Variants in RPGR observed in about 807,000 individuals in gnomAD.
RPGR encodes the protein retinitis pigmentosa GTPase regulator, also known as X-linked retinitis pigmentosa GTPase regulator.
Under a neutral mutation model 56.3 loss-of-function variants are expected in RPGR, and 10 were observed. The observed-to-expected ratio is 0.18, with a 90% CI of 0.11 to 0.30. The LOEUF is 0.30. Ranked by LOEUF, RPGR falls within the 10% of genes least tolerant of loss-of-function variation. The pLI, the probability that RPGR is intolerant of heterozygous loss-of-function variation, is 1.00. For synonymous variants in RPGR, 197 were observed against 212.9 expected (o/e 0.93, Z 0.65); for missense variants, 538 against 590.9 (o/e 0.91, Z 0.93).
At chrX:38,309,548 C>T (rs1359613648) in intron 7 of RPGR, among the ~76,000 whole-genome samples, 2 of 112,763 alleles carry the variant, frequency 1.8e-5, no homozygotes, top group Admixed American at 1.9e-4. Context: ...TAAGGTCAGG[C>T]CAGGTGTGGT....
rs769123303 is a variant in RPGR, at chrX:38,323,517, A to C, written c.36T>G (p.Gly12=). The change falls in exon 2 of 19, where the codon GGT becomes GGG. Residue 12 remains glycine, a synonymous_variant. Coordinates refer to ENST00000642395, the MANE Select transcript of RPGR (RefSeq NM_000328.3). ...TACTTTTCCCAAATGTAAACACAGC[A>C]CCCGAATCTGCAAATATAAGACGGT... 22 of 1,207,021 alleles carry C rather than the reference A, an allele frequency of 1.8e-5. No individual in the cohort carries two copies. The African/African-American group carries it at 3.7e-4, about 20-fold the overall frequency.
intron 14 of RPGR, 60 bp from the exon 15 acceptor site, chrX:38,287,305 G>A (rs1569237998): frequency 8.3e-7 from 1 of 1,199,923 alleles, no homozygotes; most frequent in Admixed American, 2.2e-5. Flanking sequence ...TATGGGTTTA[G>A]TCTCTTTTTC....
Position 38,326,518 on chromosome X carries a change from C to T in RPGR, c.28+822G>A, listed in dbSNP as rs572475052. 1.7e-4 allele frequency among the ~76,000 whole-genome samples: 19 copies of T among 111,488 alleles called. No individual in the cohort carries two copies. In the South Asian group the frequency reaches 7.1e-3, roughly 42 times the overall value. On this transcript the variant is annotated intron_variant, in intron 1 of 18. Coordinates refer to ENST00000642395, the MANE Select transcript of RPGR (RefSeq NM_000328.3). Reference sequence around the variant, plus strand: ...TCACCAGACATCTATTTCTGTTACACGGTATATATGGAGTATCGGGTCACA... The same window carrying T: ...TCACCAGACATCTATTTCTGTTACATGGTATATATGGAGTATCGGGTCACA...
In RPGR at chrX:38,285,299, T is replaced by C. The variant is rs1007819707; in HGVS notation, c.1905+1795A>G. The C allele has an allele frequency of 3.8e-6, 4 of 1,047,606 alleles. No individual in the cohort carries two copies. In the Admixed American group the frequency reaches 1.3e-4, roughly 34 times the overall value. 86.3% of individuals were successfully genotyped at this position (1,047,606 alleles called of 1,213,427 possible). On this transcript the variant is annotated intron_variant, in intron 15 of 18. Coordinates refer to ENST00000642395, the MANE Select transcript of RPGR (RefSeq NM_000328.3). ...TCTGATATGACCTTTTAATATTTTCTAGTTATGTTTTTATAATTTGGGGGG... is the reference window on the plus strand; with the variant it reads ...TCTGATATGACCTTTTAATATTTTCCAGTTATGTTTTTATAATTTGGGGGG...
intron 6 of RPGR, among the ~76,000 whole-genome samples, chrX:38,313,069 T>C (rs1284418452): frequency 2.7e-5 from 3 of 111,279 alleles, no homozygotes; most frequent in Non-Finnish European, 5.7e-5. Context: ...AATCTCCAAA[T>C]ACATGATTTA....
At chrX:38,275,168 T>C (rs1340323187) in intron 16 of RPGR, 2 of 1,177,661 alleles carry the variant, frequency 1.7e-6, no homozygotes, top group East Asian at 5.9e-5. Flanking sequence ...AACAAAGCAA[T>C]ATAACAAAAA....
chrX:38,311,468 A>G (rs746877531), intron 6 of RPGR, among the ~76,000 whole-genome samples: 2 of 112,104 alleles, frequency 1.8e-5, no homozygotes, highest in African/African-American at 3.2e-5. Context: ...TAAGTATATG[A>G]TCCAATCTGA....
At chrX:38,273,175 T>G (rs2066873221) in intron 18 of RPGR, among the ~76,000 whole-genome samples, 2 of 111,408 alleles carry the variant, frequency 1.8e-5, no homozygotes, top group African/African-American at 6.5e-5. Flanking sequence ...AAACATAAGC[T>G]AAAGTAAAAG....
In RPGR at chrX:38,297,207, C is replaced by T. The variant is rs1355974630; in HGVS notation, c.1414+77G>A. The T allele has an allele frequency of 3.9e-6, 4 of 1,031,354 alleles. No individual in the cohort carries two copies. In the East Asian group the frequency reaches 1.2e-4, roughly 31 times the overall value. 85.0% of individuals were successfully genotyped at this position (1,031,354 alleles called of 1,213,427 possible). On this transcript the variant is annotated intron_variant, in intron 11 of 18. Transcript: ENST00000642395. ...GAACAATTTAAATAACTGGAGAAAA[C>T]ATCTTAAGATAAACATAAAAACTAC... is the stretch of plus-strand genomic sequence containing the variant.
chrX:38,278,343 C>G (rs763885501), intron 15 of RPGR, among the ~76,000 whole-genome samples: 3 of 112,227 alleles, frequency 2.7e-5, no homozygotes, highest in East Asian at 5.6e-4. Flanking sequence ...CGGGTTGAAG[C>G]GATTCTCCTG....
intron 6 of RPGR, among the ~76,000 whole-genome samples, chrX:38,313,932 T>TTA (rs1455769310): frequency 8.9e-6 from 1 of 112,136 alleles, no homozygotes; most frequent in Non-Finnish European, 1.9e-5. Context: ...AGTGTCGACT[T>TTA]TTTAAAGTAA....
intron 11 of RPGR, among the ~76,000 whole-genome samples, chrX:38,292,664 T>C (rs2067306291): frequency 8.9e-6 from 1 of 112,672 alleles, no homozygotes; most frequent in East Asian, 2.8e-4. Flanking sequence ...AAAACATGTT[T>C]GGGTATACAT....
chrX:38,307,410 G>C (rs1056217150), intron 7 of RPGR, among the ~76,000 whole-genome samples: 21 of 112,251 alleles, frequency 1.9e-4, no homozygotes, highest in African/African-American at 6.8e-4. Flanking sequence ...CATCAGAAAT[G>C]AACTAAATTG....
intron 16 of RPGR, among the ~76,000 whole-genome samples, chrX:38,275,786 G>A (rs1298855166): frequency 9.5e-6 from 1 of 104,933 alleles, no homozygotes; most frequent in Non-Finnish European, 1.9e-5. Flanking sequence ...ACATTTACAT[G>A]AGAAGAGCCT....
Position 38,297,295 on chromosome X carries a change from G to A in RPGR, c.1403C>T (p.Pro468Leu), listed in dbSNP as rs2067403184. 1.7e-6 allele frequency: 2 copies of A among 1,210,114 alleles called. No homozygotes were observed. Among genetic ancestry groups the A allele is most frequent in the Non-Finnish European group, 1.1e-6 (1 of 894,810 alleles). Residue 468 changes from proline (P) to leucine (L), a missense_variant, in exon 11 of 19, where the codon CCA (proline) becomes CTA (leucine). Physicochemically the swap from Pro to Leu is moderately conservative, Grantham distance 98. Coordinates refer to ENST00000642395, the MANE Select transcript of RPGR (RefSeq NM_000328.3). ...GTAGCAAATGTTACCTGGTTCCTCT[G>A]GCTGCATGAGGTCCTGTTCAGATAA...
At chrX:38,307,024 A>G (rs2067616379) in intron 7 of RPGR, among the ~76,000 whole-genome samples, 1 of 112,980 alleles carries the variant, frequency 8.9e-6, no homozygotes, top group Non-Finnish European at 1.9e-5. Flanking sequence ...CTTCAGATTA[A>G]TATTACTGTA....
intron 6 of RPGR, 96 bp from the exon 7 acceptor site, chrX:38,310,869 T>C (rs2067703660): frequency 1.2e-5 from 9 of 724,739 alleles, no homozygotes; most frequent in Non-Finnish European, 1.9e-5. Context: ...GATCACTTAA[T>C]ACATTTGACC....
At chrX:38,305,458 G>A (rs1424521464) in intron 7 of RPGR, among the ~76,000 whole-genome samples, 1 of 108,430 alleles carries the variant, frequency 9.2e-6, no homozygotes, top group Admixed American at 1.0e-4. Context: ...AACTCACTAC[G>A]TCAAATAAAA....
chrX:38,317,011 G>T (rs1056645443), intron 6 of RPGR, among the ~76,000 whole-genome samples: 1 of 111,129 alleles, frequency 9.0e-6, no homozygotes, highest in African/African-American at 3.3e-5. Flanking sequence ...GACAGAAAAG[G>T]TTGCCAGTGG....
Sources: allele counts gnomAD v4.1 joint callset (sites outside exome capture counted in the v4.1 genomes callset), GRCh38; gene constraint gnomAD v4.1.1; transcripts MANE v1.5; gene names NCBI Gene and HGNC (gene_info 2026-07-23, HGNC 2026-07-21).